FRAS1: variants seen among roughly 807,000 people sequenced by gnomAD.
FRAS1 encodes the protein Fraser extracellular matrix complex subunit 1.
FRAS1 carries 290 observed loss-of-function variants against 435.2 expected under a neutral mutation model. The observed-to-expected ratio is 0.67, with a 90% CI of 0.61 to 0.73. FRAS1 has a LOEUF of 0.73. Among genes scored for constraint, FRAS1 ranks in the 30% least tolerant of loss-of-function variants. The pLI, the probability that FRAS1 is intolerant of heterozygous loss-of-function variation, is 0.00. For synonymous variants in FRAS1, 1,800 were observed against 1,851.0 expected (o/e 0.97, Z 0.71); for missense variants, 4,860 against 5,001.5 (o/e 0.97, Z 0.85).
Position 78,483,768 on chromosome 4 carries a change from C to CTATATATATATATATATATA in FRAS1, c.8752+1234_8752+1235insATATATATATATATATATAT, listed in dbSNP as rs1491536432. On this transcript the variant is annotated intron_variant, in intron 58 of 73. Transcript: ENST00000512123. ...TTTATCCTTCAGGAGAAAAAAAAAA[C>CTATATATATATATATATATA]TCTCTCTCTCTCTCTATATATATAT... Among the ~76,000 whole-genome samples the CTATATATATATATATATATA allele has an allele frequency of 2.9e-3, 19 of 6,500 alleles. 1 individual carries two copies. Among genetic ancestry groups the CTATATATATATATATATATA allele is most frequent in the Admixed American group, 5.6e-3 (3 of 540 alleles). The allele number at this position is 6,500 out of a possible 152,430, so 4.3% of individuals were successfully genotyped here.
At chr4:78,116,310 AT>A (rs1560530579) in intron 2 of FRAS1, among the ~76,000 whole-genome samples, 1 of 152,110 alleles carries the variant, frequency 6.6e-6, no homozygotes, top group Non-Finnish European at 1.5e-5. Context: ...TATTCTGTTG[AT>A]TTGGGGTGGA....
At chr4:78,270,380 T>C (rs967213210) in intron 9 of FRAS1, among the ~76,000 whole-genome samples, 2 of 152,128 alleles carry the variant, frequency 1.3e-5, no homozygotes, top group African/African-American at 4.8e-5. Context: ...CTAACTAACC[T>C]GCTCATCAGA....
chr4:78,065,058 G>GTGTATATATATATATATATATA (rs1739942478), intron 1 of FRAS1, among the ~76,000 whole-genome samples: 1 of 119,910 alleles, frequency 8.3e-6, no homozygotes, highest in African/African-American at 3.2e-5. Flanking sequence ...GTTTTATAGT[G>GTGTATATATATATATATATATA]TATATATATA....
At chr4:78,452,028 T>A in intron 46 of FRAS1, 137 bp downstream of exon 46, 3 of 1,228,568 alleles carry the variant, frequency 2.4e-6, no homozygotes, top group Non-Finnish European at 3.4e-6. Flanking sequence ...ATACCCCCTT[T>A]ATTGCACGAA....
Position 78,333,372 on chromosome 4 carries a change from G to T in FRAS1, c.2238G>T (p.Gln746His), listed in dbSNP as rs371019103. 2 of 1,611,872 alleles carry T rather than the reference G, an allele frequency of 1.2e-6. No individual in the cohort carries two copies. The highest frequency in any genetic ancestry group is 2.2e-5 in the East Asian group (1 of 44,808). The stretch of plus-strand genomic sequence containing the variant: ...TGTTGGATGGGCAGTGCCTCTCCCA[G>T]TGCCCAGATGGCTACTTTCACCAGG... Reference protein sequence around the residue: ...HVLLDGQCLSQCPDGYFHQEG... With the variant: ...HVLLDGQCLSHCPDGYFHQEG... The change falls in exon 19 of 74, where the codon CAG (glutamine) becomes CAT (histidine). Residue 746 changes from glutamine (Q) to histidine (H), a missense_variant. Physicochemically the swap from Gln to His is conservative, Grantham distance 24. Transcript: ENST00000512123.
At position 78,315,655 on chromosome 4, in the gene FRAS1, G is replaced by T; in HGVS notation, c.1740G>T (p.Glu580Asp). The T allele has an allele frequency of 1.2e-6, 2 of 1,613,990 alleles. No homozygotes were observed. The highest frequency in any genetic ancestry group is 1.1e-5 in the South Asian group (1 of 91,084). Reference sequence around the variant, plus strand: ...GCCCCAGGTGTCTTACCTGTACTGAGAAGACAGTGCTGCATGATGGGAAAT... The same window carrying T: ...GCCCCAGGTGTCTTACCTGTACTGATAAGACAGTGCTGCATGATGGGAAAT... ...PSSPRCLTCTEKTVLHDGKCM... is the reference protein window; with the variant it reads ...PSSPRCLTCTDKTVLHDGKCM... The change falls in exon 16 of 74, where the codon GAG becomes GAT. Residue 580 changes from glutamate (E) to aspartate (D), a missense_variant. Physicochemically the swap from Glu to Asp is conservative, Grantham distance 45. Coordinates refer to ENST00000512123, the MANE Select transcript of FRAS1 (RefSeq NM_025074.7).
intron 6 of FRAS1, among the ~76,000 whole-genome samples, chr4:78,261,862 C>T (rs779304692): frequency 6.6e-6 from 1 of 152,116 alleles, no homozygotes; most frequent in African/African-American, 2.4e-5. Context: ...TTATGCTTTT[C>T]TCTTGTTAAT....
chr4:78,343,198 C>CT (rs1730466240), intron 20 of FRAS1, among the ~76,000 whole-genome samples: 2 of 152,322 alleles, frequency 1.3e-5, no homozygotes, highest in Admixed American at 1.3e-4. Context: ...TGCTGTGAAT[C>CT]TTTAAGATGA....
chr4:78,541,227 C>A lies in FRAS1; in HGVS notation c.*103C>A. On this transcript the variant is annotated 3_prime_UTR_variant, in exon 74 of 74. Transcript: ENST00000512123. ...GCAGATAAAAAAGGGAAAACTATAG[C>A]TTTGAGTGGCAGACAGCACACATCA... 4.4e-6 allele frequency: 3 copies of A among 674,412 alleles called. No homozygotes were observed. The highest frequency in any genetic ancestry group is 1.8e-5 in the African/African-American group (1 of 54,380). The allele number at this position is 674,412 out of a possible 1,614,324, so 41.8% of individuals were successfully genotyped here. A position where few individuals can be genotyped will look rare whatever the true frequency, so the allele number is the denominator to read the frequency against.
intron 55 of FRAS1, 38 bp from the exon 56 acceptor site, chr4:78,479,336 C>T (rs1719940920): frequency 7.5e-7 from 1 of 1,335,364 alleles, no homozygotes. Context: ...GAGAAGCACT[C>T]ATTCAAATGC....
chr4:78,537,426 GCC>G (rs1387362905), intron 72 of FRAS1, among the ~76,000 whole-genome samples: 2 of 152,188 alleles, frequency 1.3e-5, no homozygotes, highest in Non-Finnish European at 2.9e-5. Context: ...GAAACTCTCG[GCC>G]AATGTTTCTC....
In FRAS1 at chr4:78,541,019, C is replaced by A. The variant is rs1722034339; in HGVS notation, c.11934C>A (p.Ile3978=). The A allele has an allele frequency of 6.5e-7, 1 of 1,530,438 alleles. No individual in the cohort carries two copies. The highest frequency in any genetic ancestry group is 2.0e-5 in the Admixed American group (1 of 50,426). The allele number at this position is 1,530,438 out of a possible 1,614,324, so 94.8% of individuals were successfully genotyped here. A position where few individuals can be genotyped will look rare whatever the true frequency, so the allele number is the denominator to read the frequency against. ...RHYCTVRNVN[I]LSEPEAAYTF... ...ACTGCACTGTGCGGAACGTCAACAT[C>A]CTGAGTGAGCCTGAGGCGGCTTACA... Residue 3978 remains isoleucine, a synonymous_variant, in exon 74 of 74, where the codon ATC becomes ATA. Transcript: ENST00000512123.
intron 2 of FRAS1, among the ~76,000 whole-genome samples, chr4:78,087,348 C>T (rs1169144120): frequency 6.6e-6 from 1 of 151,926 alleles, no homozygotes; most frequent in African/African-American, 2.4e-5. Flanking sequence ...GGAAGCATTC[C>T]CTTTGAAAAC....
At chr4:78,176,071 T>C (rs1250505286) in intron 2 of FRAS1, among the ~76,000 whole-genome samples, 1 of 152,248 alleles carries the variant, frequency 6.6e-6, no homozygotes, top group East Asian at 1.9e-4. Flanking sequence ...GGAATTTTTA[T>C]GTTGATGCCC....
chr4:78,057,771 G>T lies in FRAS1; in HGVS notation c.-239G>T, dbSNP rs907162275. The T allele has an allele frequency of 3.6e-5, 20 of 550,880 alleles. No homozygotes were observed. The highest frequency in any genetic ancestry group is 3.4e-4 in the African/African-American group (18 of 52,974). 34.1% of individuals were successfully genotyped at this position (550,880 alleles called of 1,614,324 possible). A position where few individuals can be genotyped will look rare whatever the true frequency, so the allele number is the denominator to read the frequency against. ...AGCTCACGTTGGCGTCCTGCCTTGCGGGGGAACTCGGCGCGCTCTCTGCCT... is the reference window on the plus strand; with the variant it reads ...AGCTCACGTTGGCGTCCTGCCTTGCTGGGGAACTCGGCGCGCTCTCTGCCT... On this transcript the variant is annotated 5_prime_UTR_variant, in exon 1 of 74. Coordinates refer to ENST00000512123, the MANE Select transcript of FRAS1 (RefSeq NM_025074.7). This position sits in a 1 kb window ranked among gnomAD's most constrained non-coding sequence, Gnocchi z 4.2.
intron 14 of FRAS1, among the ~76,000 whole-genome samples, chr4:78,295,934 G>A (rs562679497): frequency 6.6e-6 from 1 of 151,858 alleles, no homozygotes; most frequent in East Asian, 1.9e-4. Flanking sequence ...TGTATTTTTA[G>A]TAGAGACAGG....
At chr4:78,535,605 T>G (rs1486971501) in intron 71 of FRAS1, among the ~76,000 whole-genome samples, 1 of 152,196 alleles carries the variant, frequency 6.6e-6, no homozygotes, top group Non-Finnish European at 1.5e-5. Context: ...CATCTATCAT[T>G]AAGATGAGTG....
Position 78,430,426 on chromosome 4 carries a change from A to C in FRAS1, c.4969+9A>C, listed in dbSNP as rs147019759. The C allele has an allele frequency of 3.4e-4, 541 of 1,608,446 alleles. 2 individuals are homozygous for C. In the African/African-American group the frequency reaches 6.6e-3, roughly 20 times the overall value. On this transcript the variant is annotated intron_variant, in intron 37 of 73. Coordinates refer to ENST00000512123, the MANE Select transcript of FRAS1 (RefSeq NM_025074.7). ...AAGGCCGATGGCCACAGGTAGCTACACACCTACACACTCTGTCACTGACCT... is the reference window on the plus strand; with the variant it reads ...AAGGCCGATGGCCACAGGTAGCTACCCACCTACACACTCTGTCACTGACCT...
chr4:78,358,459 G>T (rs390762), intron 20 of FRAS1, among the ~76,000 whole-genome samples: 25,762 of 151,994 alleles, frequency 0.17, 2,861 homozygotes, highest in African/African-American at 0.32. Context: ...TGGTTAAAAT[G>T]TTATGCTCTG....
Sources: gnomAD v4.1 joint callset for allele counts (sites outside exome capture counted in the v4.1 genomes callset) on GRCh38, gnomAD v4.1.1 for gene constraint, Gnocchi (gnomAD v3.1) non-coding constraint, MANE v1.5 for transcripts, NCBI Gene and HGNC (gene_info 2026-07-23, HGNC 2026-07-21) for gene names.